CFAP251: variants seen among roughly 807,000 people sequenced by gnomAD.
The protein encoded by CFAP251 is cilia and flagella associated protein 251.
CFAP251 carries 93 observed loss-of-function variants against 126.7 expected under a neutral mutation model. The ratio of observed to expected loss-of-function variants is 0.73; its 90% confidence interval spans 0.62 to 0.87. CFAP251 has a LOEUF of 0.87. Ranked by LOEUF, CFAP251 falls within the 40% of genes least tolerant of loss-of-function variation. The pLI is 0.00. For synonymous variants in CFAP251, 503 were observed against 506.9 expected (o/e 0.99, Z 0.10); for missense variants, 1,287 against 1,389.2 (o/e 0.93, Z 1.17).
intron 19 of CFAP251, among the ~76,000 whole-genome samples, chr12:121,978,236 T>C (rs866341870): frequency 6.7e-6 from 1 of 148,530 alleles, no homozygotes; most frequent in Non-Finnish European, 1.5e-5. Flanking sequence ...ACTAAAAAAA[T>C]ACAAAAAATA....
intron 3 of CFAP251, among the ~76,000 whole-genome samples, chr12:121,927,952 A>G (rs948381806): frequency 6.6e-6 from 1 of 152,230 alleles, no homozygotes; most frequent in Non-Finnish European, 1.5e-5. Context: ...AGCAGTGGCT[A>G]TCTCCATAAT....
chr12:121,924,301 C>A (rs967521403), intron 3 of CFAP251, among the ~76,000 whole-genome samples: 1 of 150,544 alleles, frequency 6.6e-6, no homozygotes, highest in Admixed American at 6.6e-5. Context: ...GTAGAGATGG[C>A]GTCTCGCCAC....
At chr12:121,957,690 C>T (rs193255520) in intron 11 of CFAP251, among the ~76,000 whole-genome samples, 10 of 121,190 alleles carry the variant, frequency 8.3e-5, no homozygotes, top group Admixed American at 3.0e-4. Context: ...GGCGACAGAG[C>T]GAGACTCTGT....
At chr12:121,958,213 G>A (rs1881795705) in intron 11 of CFAP251, 59 bp from the exon 12 acceptor site, 2 of 1,592,006 alleles carry the variant, frequency 1.3e-6, no homozygotes, top group South Asian at 2.2e-5. Context: ...AAGCAGAATA[G>A]CTGGCATGCC....
chr12:122,001,190 G>A (rs571566819), intron 20 of CFAP251, among the ~76,000 whole-genome samples: 2 of 151,398 alleles, frequency 1.3e-5, no homozygotes, highest in African/African-American at 4.9e-5. Flanking sequence ...CCGAGTAGCT[G>A]GGATTACAGG....
chr12:121,942,879 C>G lies in CFAP251; in HGVS notation c.1111-16C>G, dbSNP rs1377468201. The G allele has an allele frequency of 3.7e-6, 6 of 1,613,912 alleles. No individual in the cohort carries two copies. Among genetic ancestry groups the G allele is most frequent in the Non-Finnish European group, 5.1e-6 (6 of 1,179,906 alleles). On this transcript the variant is annotated splice_polypyrimidine_tract_variant and intron_variant, in intron 6 of 21. Transcript: ENST00000288912. ...CACAGACCTTCTCATGCCCCTCTCTCTACTGTCACCTACAGAAGGTATGCA... is the reference window on the plus strand; with the variant it reads ...CACAGACCTTCTCATGCCCCTCTCTGTACTGTCACCTACAGAAGGTATGCA...
intron 3 of CFAP251, among the ~76,000 whole-genome samples, chr12:121,927,644 G>A (rs1744510852): frequency 1.3e-5 from 2 of 152,054 alleles, no homozygotes; most frequent in Admixed American, 6.6e-5. Flanking sequence ...TGGCCATTTA[G>A]GTTGCTTCTA....
At chr12:121,943,358 T>A (rs1347777619) in intron 7 of CFAP251, among the ~76,000 whole-genome samples, 1 of 152,206 alleles carries the variant, frequency 6.6e-6, no homozygotes, top group African/African-American at 2.4e-5. Context: ...CAAAACCTAC[T>A]TTTTGTTTCA....
intron 13 of CFAP251, among the ~76,000 whole-genome samples, chr12:121,960,340 C>T (rs372941008): frequency 9.3e-4 from 141 of 152,082 alleles, no homozygotes; most frequent in African/African-American, 2.9e-3. Flanking sequence ...GTGTCAGCCT[C>T]CCAAGTAGCT....
At position 121,921,482 on chromosome 12, in the gene CFAP251, G is replaced by A. The variant is rs1488396087; in HGVS notation, c.177G>A (p.Glu59=). The A allele has an allele frequency of 6.2e-7, 1 of 1,608,256 alleles. No homozygotes were observed. The highest frequency in any genetic ancestry group is 2.2e-5 in the East Asian group (1 of 44,664). The change falls in exon 2 of 22, where the codon GAG becomes GAA. Residue 59 remains glutamate, a synonymous_variant. Coordinates refer to ENST00000288912, the MANE Select transcript of CFAP251 (RefSeq NM_144668.6). ...ESQEEERKTG[E]EEGEEEGKED... ...AGGAGGAGGAGAGGAAAACGGGCGA[G>A]GAGGAAGGGGAGGAGGAGGGGAAGG...
rs562327755 is a variant in CFAP251, at chr12:121,974,862, C to T, written c.2772-382C>T. ...AATATCCCATTCTTTTGACTCTGATCGTTCGTGGATCTAAAGTTACGGGTA... is the reference window on the plus strand; with the variant it reads ...AATATCCCATTCTTTTGACTCTGATTGTTCGTGGATCTAAAGTTACGGGTA... On this transcript the variant is annotated intron_variant, in intron 17 of 21. Coordinates refer to ENST00000288912, the MANE Select transcript of CFAP251 (RefSeq NM_144668.6). The surrounding 1 kb of genome is among the most constrained non-coding windows in gnomAD (Gnocchi z 4.6). Among the ~76,000 whole-genome samples the T allele has an allele frequency of 3.3e-5, 5 of 152,120 alleles. No individual in the cohort carries two copies. Among genetic ancestry groups the T allele is most frequent in the Non-Finnish European group, 7.4e-5 (5 of 68,022 alleles).
intron 3 of CFAP251, among the ~76,000 whole-genome samples, chr12:121,924,456 C>T (rs1880326445): frequency 1.0e-5 from 1 of 97,102 alleles, no homozygotes; most frequent in Non-Finnish European, 1.9e-5. Flanking sequence ...TTTGGAGACA[C>T]AGTTTCACTC....
intron 19 of CFAP251, among the ~76,000 whole-genome samples, chr12:121,995,236 C>G (rs1325282811): frequency 6.6e-6 from 1 of 152,202 alleles, no homozygotes; most frequent in Non-Finnish European, 1.5e-5. Flanking sequence ...TAGCCCCAAC[C>G]TCTACTGCCT....
intron 19 of CFAP251, among the ~76,000 whole-genome samples, chr12:121,996,071 C>A (rs1883015748): frequency 2.0e-5 from 3 of 152,152 alleles, no homozygotes; most frequent in Admixed American, 1.3e-4. Context: ...AGGTTGGTAG[C>A]TTGGCAGTGC....
chr12:121,938,691 A>T (rs1294203450), intron 5 of CFAP251, among the ~76,000 whole-genome samples: 1 of 149,856 alleles, frequency 6.7e-6, no homozygotes, highest in African/African-American at 2.4e-5. Context: ...CTTAAATTTA[A>T]TGAAAACCAG....
At position 121,954,425 on chromosome 12, in the gene CFAP251, C is replaced by T. The variant is rs10840634; in HGVS notation, c.1535+91C>T. On this transcript the variant is annotated intron_variant, in intron 10 of 21. Transcript: ENST00000288912. ...AGGTTGGGCACAGTGGCTTACACCT[C>T]TAATTTCAGTTCTTTGGGAGGCTGA... The T allele has an allele frequency of 7.7e-6, 9 of 1,176,134 alleles. No homozygotes were observed. The South Asian group carries it at 1.3e-4, about 17-fold the overall frequency. 72.9% of individuals were successfully genotyped at this position (1,176,134 alleles called of 1,614,324 possible).
rs913596302 is a variant in CFAP251, at chr12:121,989,565, C to T, written c.3007-10151C>T. Among the ~76,000 whole-genome samples, 1 of 152,364 alleles carries T rather than the reference C, an allele frequency of 6.6e-6. No homozygotes were observed. Among genetic ancestry groups the T allele is most frequent in the East Asian group, 1.9e-4 (1 of 5,188 alleles). ...TGACGCTGCCCAGCCCTTACGCCCC[C>T]TCCTCAGCCCACTACTCCCTGCCCC... On this transcript the variant is annotated intron_variant, in intron 19 of 21. Coordinates refer to ENST00000288912, the MANE Select transcript of CFAP251 (RefSeq NM_144668.6). This position sits in a 1 kb window ranked among gnomAD's most constrained non-coding sequence, Gnocchi z 4.2.
chr12:121,960,507 C>A, intron 13 of CFAP251, 78 bp from the exon 14 acceptor site: 2 of 1,526,944 alleles, frequency 1.3e-6, no homozygotes, highest in South Asian at 2.4e-5. Flanking sequence ...CGTGAGCCAC[C>A]GCGCCTGGCC....
intron 19 of CFAP251, among the ~76,000 whole-genome samples, chr12:121,996,665 T>A (rs1485946673): frequency 3.3e-5 from 5 of 152,166 alleles, no homozygotes; most frequent in South Asian, 2.1e-4. Flanking sequence ...GAAAATTTTT[T>A]AAATTATTAT....
Sources: gnomAD v4.1 joint callset for allele counts (sites outside exome capture counted in the v4.1 genomes callset) on GRCh38, gnomAD v4.1.1 for gene constraint, Gnocchi (gnomAD v3.1) non-coding constraint, MANE v1.5 for transcripts, NCBI Gene and HGNC (gene_info 2026-07-23, HGNC 2026-07-21) for gene names.